The following PRADC1 variants were observed in gnomAD, a reference collection of about 807,000 sequenced individuals.
The protein encoded by PRADC1 is protease-associated domain-containing protein 1.
Under a neutral mutation model 22.9 loss-of-function variants are expected in PRADC1, and 23 were observed. The ratio of observed to expected loss-of-function variants is 1.00; its 90% CI spans 0.72 to 1.42. PRADC1 has a LOEUF of 1.42. Among genes scored for constraint, PRADC1 ranks in the 40% most tolerant of loss-of-function variants. The pLI is 0.00. For missense variants in PRADC1, 207 were observed against 258.3 expected, an observed-to-expected ratio of 0.80 and a Z score of 1.36; for synonymous variants, 71 against 100.3, an observed-to-expected ratio of 0.71 and a Z score of 1.75.
At chr2:73,232,405 T>C (rs1318064335) in intron 1 of PRADC1, among the ~76,000 whole-genome samples, 1 of 151,992 alleles carries the variant, frequency 6.6e-6, no homozygotes, top group African/African-American at 2.4e-5. Context: ...AACTACCAAG[T>C]CACTACTGTG....
chr2:73,230,183 T>C lies in PRADC1; in HGVS notation c.98A>G (p.Gln33Arg). ...GFRIHDYLYFQVLSPGDIRYI... is the reference protein window; with the variant it reads ...GFRIHDYLYFRVLSPGDIRYI... Reference sequence around the variant, plus strand: ...TCGAATGTCCCCAGGACTCAGCACTTGAAAGTACAAATAATCATGGATACG... The same window carrying C: ...TCGAATGTCCCCAGGACTCAGCACTCGAAAGTACAAATAATCATGGATACG... The change falls in exon 2 of 5, where the codon CAA becomes CGA. Residue 33 changes from glutamine (Q) to arginine (R), a missense_variant. Physicochemically the swap from Gln to Arg is conservative, Grantham distance 43. Transcript: ENST00000258083. The C allele has an allele frequency of 1.9e-6, 3 of 1,613,908 alleles. No individual in the cohort carries two copies. Among genetic ancestry groups the C allele is most frequent in the Non-Finnish European group, 2.5e-6 (3 of 1,179,800 alleles).
rs986801513 is a variant in PRADC1, at chr2:73,228,697, C to T, written c.446+98G>A. On this transcript the variant is annotated intron_variant, in intron 4 of 4. Coordinates refer to ENST00000258083, the MANE Select transcript of PRADC1 (RefSeq NM_032319.3). The surrounding 1 kb of genome is among the most constrained non-coding windows in gnomAD (Gnocchi z 4.0). ...TTTTTTTGCCCTCTAACTGAAGCAC[C>T]CCAAGTTGAGGCCTGCAAGAAGGGA... The T allele has an allele frequency of 2.5e-6, 4 of 1,583,820 alleles. No individual in the cohort carries two copies. In the African/African-American group the frequency reaches 5.4e-5, roughly 21 times the overall value.
rs1256834689 is a variant in PRADC1 at position 73,229,523 on chromosome 2, C to T, written c.216G>A (p.Glu72=). ...QIHLVPAEPP[E]ACGELSNGFF... is the part of the protein sequence containing the mutation. ...AACCGTTGCTGAGTTCCCCGCAGGC[C>T]TCTGGAGGTTCAGCGGGGACAAGGT... Residue 72 remains glutamate (E), a synonymous_variant, in exon 3 of 5, where the codon GAG becomes GAA. Transcript: ENST00000258083. 2 of 1,614,010 alleles carry T rather than the reference C, an allele frequency of 1.2e-6. No homozygotes were observed. The highest frequency in any genetic ancestry group is 1.7e-6 in the Non-Finnish European group (2 of 1,180,038).
chr2:73,231,876 T>G (rs1352281540), intron 1 of PRADC1, among the ~76,000 whole-genome samples: 1 of 152,146 alleles, frequency 6.6e-6, no homozygotes, highest in Non-Finnish European at 1.5e-5. Context: ...CCTGAATGGG[T>G]GAACAACTAT....
chr2:73,228,396 C>T lies in PRADC1; in HGVS notation c.*58G>A. ...CTCCAAATTCCAAGTAGCAAAATTC[C>T]TGGGTTTCCCCTTCCCAGCTCAGAG... On this transcript the variant is annotated 3_prime_UTR_variant, in exon 5 of 5. Transcript: ENST00000258083. The surrounding 1 kb of genome is among the most constrained non-coding windows in gnomAD (Gnocchi z 4.0). 1 of 1,604,634 alleles carries T rather than the reference C, an allele frequency of 6.2e-7. No individual in the cohort carries two copies. Among genetic ancestry groups the T allele is most frequent in the Non-Finnish European group, 8.5e-7 (1 of 1,175,356 alleles).
chr2:73,230,328 C>A lies in PRADC1; in HGVS notation c.68-115G>T, dbSNP rs1158456325. On this transcript the variant is annotated intron_variant, in intron 1 of 4. Transcript: ENST00000258083. Reference sequence around the variant, plus strand: ...CTATAGTCTGGGCTCAGGGTCCTGGCTTCAGCCAACGGGGTCCACTAGTGG... The same window carrying A: ...CTATAGTCTGGGCTCAGGGTCCTGGATTCAGCCAACGGGGTCCACTAGTGG... 1.1e-5 allele frequency: 8 copies of A among 732,434 alleles called. No individual in the cohort carries two copies. In the African/African-American group the frequency reaches 1.4e-4, roughly 13 times the overall value. 45.4% of individuals were successfully genotyped at this position (732,434 alleles called of 1,614,324 possible).
At position 73,233,077 on chromosome 2, in the gene PRADC1, C is replaced by A; in HGVS notation, c.67+17G>T. On this transcript the variant is annotated intron_variant, in intron 1 of 4. Coordinates refer to ENST00000258083, the MANE Select transcript of PRADC1 (RefSeq NM_032319.3). ...CCAGCCCCGCCCTGCAACGCAGTCC[C>A]ACCCGTTGCCGCTCACCGTGGGCCG... 2 of 1,537,608 alleles carry A rather than the reference C, an allele frequency of 1.3e-6. No homozygotes were observed. Among genetic ancestry groups the A allele is most frequent in the East Asian group, 5.1e-5 (2 of 39,056 alleles).
chr2:73,229,486 C>T lies in PRADC1; in HGVS notation c.253G>A (p.Asp85Asn). The T allele has an allele frequency of 6.2e-7, 1 of 1,614,150 alleles. No homozygotes were observed. Among genetic ancestry groups the T allele is most frequent in the Non-Finnish European group, 8.5e-7 (1 of 1,179,996 alleles). Reference protein sequence around the residue: ...GELSNGFFIQDQIALVERGGC... With the variant: ...GELSNGFFIQNQIALVERGGC... ...CCCCTCTCCACCAGAGCAATCTGGT[C>T]CTGGATGAAGAAACCGTTGCTGAGT... Residue 85 changes from aspartate (D) to asparagine (N), a missense_variant, in exon 3 of 5, where the codon GAC (aspartate) becomes AAC (asparagine). Coordinates refer to ENST00000258083, the MANE Select transcript of PRADC1 (RefSeq NM_032319.3).
intron 1 of PRADC1, among the ~76,000 whole-genome samples, chr2:73,231,860 A>C (rs891923147): frequency 1.3e-5 from 2 of 152,202 alleles, no homozygotes. Context: ...TAGCCCTATA[A>C]ACTTTCCTGA....
At chr2:73,231,660 G>A (rs569927769) in intron 1 of PRADC1, among the ~76,000 whole-genome samples, 80 of 150,578 alleles carry the variant, frequency 5.3e-4, no homozygotes, top group Non-Finnish European at 9.3e-4. Context: ...TTTTTAAATA[G>A]GAATGGGGTC....
At chr2:73,231,653 T>C (rs980199258) in intron 1 of PRADC1, among the ~76,000 whole-genome samples, 2 of 151,408 alleles carry the variant, frequency 1.3e-5, no homozygotes, top group African/African-American at 4.9e-5. Flanking sequence ...TTTTCATTTT[T>C]TAAATAGGAA....
At chr2:73,232,621 G>A (rs1686680174) in intron 1 of PRADC1, among the ~76,000 whole-genome samples, 1 of 152,200 alleles carries the variant, frequency 6.6e-6, no homozygotes, top group Non-Finnish European at 1.5e-5. Flanking sequence ...CTTTGTGTGT[G>A]CTTATTTGTG....
chr2:73,230,281 C>G (rs1686611809), intron 1 of PRADC1, 68 bp from the exon 2 acceptor site: 4 of 1,169,074 alleles, frequency 3.4e-6, no homozygotes, highest in Middle Eastern at 1.9e-4. Context: ...GATCCCAGAC[C>G]CTGTGTCTTC....
Position 73,228,619 on chromosome 2 carries a change from C to T in PRADC1, c.447-45G>A, listed in dbSNP as rs2288631. 0.29 allele frequency: 468,733 copies of T among 1,612,348 alleles called. 70,190 individuals carry two copies. Among genetic ancestry groups the T allele is most frequent in the East Asian group, 0.36 (16,339 of 44,826 alleles). On this transcript the variant is annotated intron_variant, in intron 4 of 4. Transcript: ENST00000258083. The surrounding 1 kb of genome is among the most constrained non-coding windows in gnomAD (Gnocchi z 4.0). Reference sequence around the variant, plus strand: ...GGTGGTGACGGTCACTTTCTTGGTACCCCATCATGCCCCACTGTCCCCATC... The same window carrying T: ...GGTGGTGACGGTCACTTTCTTGGTATCCCATCATGCCCCACTGTCCCCATC...
intron 1 of PRADC1, among the ~76,000 whole-genome samples, chr2:73,232,060 G>A (rs1316312288): frequency 6.6e-6 from 1 of 152,178 alleles, no homozygotes; most frequent in African/African-American, 2.4e-5. Context: ...TCATGGGCGG[G>A]CGCGGTGGCT....
At chr2:73,233,057 C>T in intron 1 of PRADC1, 37 bp downstream of exon 1, 3 of 1,525,112 alleles carry the variant, frequency 2.0e-6, no homozygotes, top group Non-Finnish European at 2.6e-6. Flanking sequence ...GACGGCCAGC[C>T]CCGCCCTGCA....
chr2:73,231,682 C>T (rs1387906281), intron 1 of PRADC1, among the ~76,000 whole-genome samples: 1 of 151,126 alleles, frequency 6.6e-6, no homozygotes, highest in Non-Finnish European at 1.5e-5. Context: ...CGCCTTGTTG[C>T]CAGGGCTTGT....
In PRADC1 at chr2:73,229,583, T is replaced by C. The variant is rs752090668; in HGVS notation, c.169-13A>G. 20 of 1,605,180 alleles carry C rather than the reference T, an allele frequency of 1.2e-5. No individual in the cohort carries two copies. Among genetic ancestry groups the C allele is most frequent in the Non-Finnish European group, 1.7e-5 (20 of 1,172,040 alleles). On this transcript the variant is annotated splice_polypyrimidine_tract_variant and intron_variant, in intron 2 of 4. Transcript: ENST00000258083. ...CATACCTTGTGTGCTGAAAAACATT[T>C]AACATTTGGACAGGTGAGAGTGTAA...
At chr2:73,232,647 C>T (rs1686680879) in intron 1 of PRADC1, among the ~76,000 whole-genome samples, 2 of 152,190 alleles carry the variant, frequency 1.3e-5, no homozygotes, top group East Asian at 1.9e-4. Flanking sequence ...TGTGGGTATA[C>T]GTATGTGCTC....
Sources: allele counts gnomAD v4.1 joint callset (sites outside exome capture counted in the v4.1 genomes callset), GRCh38; gene constraint gnomAD v4.1.1; non-coding constraint Gnocchi (gnomAD v3.1); transcripts MANE v1.5; gene names NCBI Gene and HGNC (gene_info 2026-07-23, HGNC 2026-07-21).